The following ALDH4A1 variants were observed in gnomAD, a reference collection of about 807,000 sequenced individuals.
ALDH4A1 encodes delta-1-pyrroline-5-carboxylate dehydrogenase, mitochondrial.
In ALDH4A1, 46 loss-of-function variants were observed where a neutral mutation model predicts 70.5. That is an observed-to-expected ratio of 0.65 (90% CI 0.51 to 0.83). ALDH4A1 has a LOEUF of 0.83. ALDH4A1 is among the 40% of genes least tolerant of loss of function. The pLI is 0.00. For missense variants in ALDH4A1, 749 were observed against 766.5 expected (o/e 0.98, Z 0.27); for synonymous variants, 323 against 324.3 (o/e 1.00, Z 0.04).
intron 10 of ALDH4A1, 69 bp downstream of exon 10, chr1:18,877,347 G>A: frequency 6.4e-7 from 1 of 1,554,132 alleles, no homozygotes; most frequent in Admixed American, 1.9e-5. Flanking sequence ...CGGCTGCAGA[G>A]GAGCCTCCCA....
At chr1:18,882,839 A>C (rs560128474) in intron 7 of ALDH4A1, among the ~76,000 whole-genome samples, 24 of 152,320 alleles carry the variant, frequency 1.6e-4, no homozygotes, top group African/African-American at 5.8e-4. Context: ...GAGCCTCACA[A>C]CCCAGTCATG....
chr1:18,893,525 C>T (rs976451166), intron 1 of ALDH4A1, among the ~76,000 whole-genome samples: 3 of 151,564 alleles, frequency 2.0e-5, no homozygotes, highest in African/African-American at 7.3e-5. Flanking sequence ...TTTTTTGAGT[C>T]GGAGTCTTAC....
intron 2 of ALDH4A1, 57 bp downstream of exon 2, chr1:18,889,955 G>C (rs1935370769): frequency 4.2e-6 from 6 of 1,413,474 alleles, no homozygotes; most frequent in Non-Finnish European, 5.9e-6. Context: ...AGGGCTGCTG[G>C]GGATGGCCTC....
chr1:18,895,797 T>G (rs1253421145), intron 1 of ALDH4A1, among the ~76,000 whole-genome samples: 1 of 152,164 alleles, frequency 6.6e-6, no homozygotes, highest in East Asian at 1.9e-4. Flanking sequence ...TACTAGTCAC[T>G]TCAACCTGGA....
chr1:18,895,903 C>T (rs1479986932), intron 1 of ALDH4A1, among the ~76,000 whole-genome samples: 1 of 152,198 alleles, frequency 6.6e-6, no homozygotes, highest in African/African-American at 2.4e-5. Flanking sequence ...AGAGATGGCA[C>T]AGTGGGGAGC....
intron 1 of ALDH4A1, 71 bp downstream of exon 1, chr1:18,902,391 C>T: frequency 8.2e-7 from 1 of 1,212,352 alleles, no homozygotes; most frequent in Non-Finnish European, 1.1e-6. Context: ...GCGCGGGGGA[C>T]GCCCAGTGAC....
chr1:18,896,475 T>A (rs1173081246), intron 1 of ALDH4A1, among the ~76,000 whole-genome samples: 1 of 152,182 alleles, frequency 6.6e-6, no homozygotes, highest in Non-Finnish European at 1.5e-5. Flanking sequence ...CTTTGCTTCA[T>A]GCAGCCTCCT....
intron 1 of ALDH4A1, among the ~76,000 whole-genome samples, chr1:18,893,468 C>T (rs1023230130): frequency 2.6e-5 from 4 of 152,106 alleles, no homozygotes; most frequent in African/African-American, 7.2e-5. Flanking sequence ...TCCTGGAAAG[C>T]GTCACACAAA....
At chr1:18,902,377 T>G (rs1935829340) in intron 1 of ALDH4A1, 85 bp downstream of exon 1, 1 of 1,151,066 alleles carries the variant, frequency 8.7e-7, no homozygotes, top group East Asian at 3.3e-5. Flanking sequence ...AGGGAGGGAG[T>G]GCGGCGCGGG....
In ALDH4A1 at chr1:18,886,559, G is replaced by C. The variant is rs747452067; in HGVS notation, c.250-48C>G. 13 of 1,598,786 alleles carry C rather than the reference G, an allele frequency of 8.1e-6. No homozygotes were observed. In the South Asian group the frequency reaches 1.4e-4, roughly 18 times the overall value. ...TCCTTGCCCGGGAGGGAGGTGCCAG[G>C]ATAAGGATGAAGAGGACTGGACTCA... On this transcript the variant is annotated intron_variant, in intron 3 of 14. Transcript: ENST00000375341.
intron 1 of ALDH4A1, chr1:18,890,620 C>T: frequency 2.2e-6 from 2 of 918,450 alleles, no homozygotes; most frequent in Non-Finnish European, 2.6e-6. Flanking sequence ...GGTTGTGTGT[C>T]CTTGAGCCTG....
rs1569706541 is a variant in ALDH4A1, at chr1:18,872,604, T to G, written c.*241A>C. The G allele has an allele frequency of 9.5e-6, 4 of 421,604 alleles. No homozygotes were observed. The highest frequency in any genetic ancestry group is 1.7e-5 in the Non-Finnish European group (4 of 232,886). The allele number at this position is 421,604 out of a possible 1,614,324, so 26.1% of individuals were successfully genotyped here. On this transcript the variant is annotated 3_prime_UTR_variant, in exon 15 of 15. Coordinates refer to ENST00000375341, the MANE Select transcript of ALDH4A1 (RefSeq NM_003748.4). The stretch of plus-strand genomic sequence containing the variant: ...AGGGAGAACCTGCCAGGCACCAGGG[T>G]CATACCTCCCACATGGCCGATGGGA...
In ALDH4A1 at chr1:18,902,490, G is replaced by A; in HGVS notation, c.34C>T (p.Leu12=). The part of the protein sequence containing the change: ...LLPAPALRRA[L]LSRPWTGAGL... ...GCCCCGGTCCAGGGGCGGGACAGCA[G>A]GGCGCGGCGGAGCGCGGGCGCCGGC... The change falls in exon 1 of 15, where the codon CTG becomes TTG. Residue 12 remains leucine (L), a synonymous_variant. Transcript: ENST00000375341. 1 of 1,476,440 alleles carries A rather than the reference G, an allele frequency of 6.8e-7. No individual in the cohort carries two copies. Among genetic ancestry groups the A allele is most frequent in the Non-Finnish European group, 9.0e-7 (1 of 1,114,174 alleles). 91.5% of individuals were successfully genotyped at this position (1,476,440 alleles called of 1,614,324 possible). A position where few individuals can be genotyped will look rare whatever the true frequency, so the allele number is the denominator to read the frequency against.
intron 9 of ALDH4A1, among the ~76,000 whole-genome samples, chr1:18,878,458 A>G (rs1216502916): frequency 6.6e-6 from 1 of 152,134 alleles, no homozygotes; most frequent in African/African-American, 2.4e-5. Flanking sequence ...GTCCAGGAAC[A>G]GGGTCCAGAC....
In ALDH4A1 at chr1:18,877,164, C is replaced by T. The variant is rs765949903; in HGVS notation, c.1185+44G>A. The T allele has an allele frequency of 2.5e-6, 4 of 1,592,708 alleles. No homozygotes were observed. In the African/African-American group the frequency reaches 4.0e-5, roughly 16 times the overall value. On this transcript the variant is annotated intron_variant, in intron 11 of 14. Coordinates refer to ENST00000375341, the MANE Select transcript of ALDH4A1 (RefSeq NM_003748.4). ...CTCTTCCTCCCTCTTCCACCCACTC[C>T]AGGGCTTGCCCCCACCCAGGAACGC...
At position 18,889,444 on chromosome 1, in the gene ALDH4A1, T is replaced by C; in HGVS notation, c.167A>G (p.Asp56Gly). ...GATGGCTTCCATCCGGCCCTTCAGG[T>C]CCTTCAAGGCCTGGGGAGAGGGACA... The part of the protein sequence containing the change: ...ERDALQKALK[D>G]LKGRMEAIPC... Residue 56 changes from aspartate to glycine, a missense_variant, in exon 3 of 15, where the codon GAC becomes GGC. Physicochemically the swap from Asp to Gly is moderately conservative, Grantham distance 94. Coordinates refer to ENST00000375341, the MANE Select transcript of ALDH4A1 (RefSeq NM_003748.4). 1.3e-6 allele frequency: 2 copies of C among 1,551,838 alleles called. No individual in the cohort carries two copies. Among genetic ancestry groups the C allele is most frequent in the African/African-American group, 2.7e-5 (2 of 73,170 alleles).
chr1:18,890,339 C>T (rs560577383), intron 1 of ALDH4A1: 12 of 500,636 alleles, frequency 2.4e-5, no homozygotes, highest in South Asian at 1.9e-4. Flanking sequence ...GTCAGGAGTT[C>T]GAGACCAGCC....
At position 18,883,052 on chromosome 1, in the gene ALDH4A1, G is replaced by A. The variant is rs1034875535; in HGVS notation, c.678+72C>T. 1.1e-4 allele frequency: 173 copies of A among 1,597,188 alleles called. 1 individual carries two copies. Among genetic ancestry groups the A allele is most frequent in the Admixed American group, 3.3e-5 (2 of 59,946 alleles). On this transcript the variant is annotated intron_variant, in intron 7 of 14. Coordinates refer to ENST00000375341, the MANE Select transcript of ALDH4A1 (RefSeq NM_003748.4). ...TAGGCTGAGACCCAAGGGGCTCAGG[G>A]TGGCCTCTGTCTGTCTGTTGGGACC...
chr1:18,876,233 A>G, intron 12 of ALDH4A1, 82 bp downstream of exon 12: 1 of 1,548,224 alleles, frequency 6.5e-7, no homozygotes, highest in Non-Finnish European at 8.8e-7. Flanking sequence ...GAAATGGGAG[A>G]ATGTCTCCAG....
Sources: gnomAD v4.1 joint callset for allele counts (sites outside exome capture counted in the v4.1 genomes callset) on GRCh38, gnomAD v4.1.1 for gene constraint, MANE v1.5 for transcripts, NCBI Gene and HGNC (gene_info 2026-07-23, HGNC 2026-07-21) for gene names.